The following PEX3 variants were observed in gnomAD, a reference collection of about 807,000 sequenced individuals.
The protein encoded by PEX3 is peroxisomal biogenesis factor 3, also known as peroxin-3.
In PEX3, 30 loss-of-function variants were observed where a neutral mutation model predicts 55.8. The observed-to-expected ratio is 0.54, with a 90% CI of 0.40 to 0.73. The LOEUF (loss-of-function observed/expected upper bound fraction) is 0.73, where lower values mean the gene tolerates loss of function less well. Among genes scored for constraint, PEX3 ranks in the 30% least tolerant of loss-of-function variants. PEX3 has a pLI of 0.00. For missense variants in PEX3, 351 were observed against 432.8 expected, an observed-to-expected ratio of 0.81 and a Z score of 1.68; for synonymous variants, 135 against 148.4, an observed-to-expected ratio of 0.91 and a Z score of 0.66.
At position 143,462,068 on chromosome 6, in the gene PEX3, A is replaced by G. The variant is rs1779927727; in HGVS notation, c.206-848A>G. ...ATTCCTCCATTTCTTTTTTTCTCTAATCCCATGACAGATTCTTATTCTCCA... is the reference window on the plus strand; with the variant it reads ...ATTCCTCCATTTCTTTTTTTCTCTAGTCCCATGACAGATTCTTATTCTCCA... On this transcript the variant is annotated intron_variant, in intron 2 of 11. Transcript: ENST00000367591. The surrounding 1 kb of genome is among the most constrained non-coding windows in gnomAD (Gnocchi z 4.1). Among the ~76,000 whole-genome samples, 1 of 152,064 alleles carries G rather than the reference A, an allele frequency of 6.6e-6. No homozygotes were observed. Among genetic ancestry groups the G allele is most frequent in the African/African-American group, 2.4e-5 (1 of 41,398 alleles).
Position 143,454,805 on chromosome 6 carries a change from A to G in PEX3, c.73+3690A>G, listed in dbSNP as rs1180312874. 6.6e-6 allele frequency among the ~76,000 whole-genome samples: 1 copy of G among 152,232 alleles called. No homozygotes were observed. The highest frequency in any genetic ancestry group is 2.4e-5 in the African/African-American group (1 of 41,466). On this transcript the variant is annotated intron_variant, in intron 1 of 11. Coordinates refer to ENST00000367591, the MANE Select transcript of PEX3 (RefSeq NM_003630.3). This position sits in a 1 kb window ranked among gnomAD's most constrained non-coding sequence, Gnocchi z 4.3. ...ACACAGAAGGAAAAAGAGCAATTCAAGAGGTTCAGCAACATTGCTTTTTAT... is the reference window on the plus strand; with the variant it reads ...ACACAGAAGGAAAAAGAGCAATTCAGGAGGTTCAGCAACATTGCTTTTTAT...
rs1263572965 is a variant in PEX3 at position 143,486,727 on chromosome 6, C to G, written c.1038+1479C>G. The stretch of plus-strand genomic sequence containing the variant: ...GAATGCTAATTTACATAAAATTAGT[C>G]CTTTCGAATTACTGCTACTACTTCA... On this transcript the variant is annotated intron_variant, in intron 11 of 11. Coordinates refer to ENST00000367591, the MANE Select transcript of PEX3 (RefSeq NM_003630.3). This position sits in a 1 kb window ranked among gnomAD's most constrained non-coding sequence, Gnocchi z 5.0. Among the ~76,000 whole-genome samples the G allele has an allele frequency of 6.6e-6, 1 of 152,078 alleles. No individual in the cohort carries two copies. Among genetic ancestry groups the G allele is most frequent in the Non-Finnish European group, 1.5e-5 (1 of 68,002 alleles).
Position 143,450,991 on chromosome 6 carries a change from C to T in PEX3, c.-52C>T. 8.4e-6 allele frequency: 11 copies of T among 1,306,086 alleles called. No individual in the cohort carries two copies. Among genetic ancestry groups the T allele is most frequent in the South Asian group, 1.2e-5 (1 of 84,982 alleles). 80.9% of individuals were successfully genotyped at this position (1,306,086 alleles called of 1,614,324 possible). On this transcript the variant is annotated 5_prime_UTR_variant, in exon 1 of 12. Coordinates refer to ENST00000367591, the MANE Select transcript of PEX3 (RefSeq NM_003630.3). ...GGCCAGGTGACGAAGAAACAGTTTCCTGGTGAAGCAGTCCCTCACCCCTAG... is the reference window on the plus strand; with the variant it reads ...GGCCAGGTGACGAAGAAACAGTTTCTTGGTGAAGCAGTCCCTCACCCCTAG...
rs138347918 is a variant in PEX3 at position 143,482,279 on chromosome 6, T to G, written c.942-2873T>G. 3.2e-3 allele frequency among the ~76,000 whole-genome samples: 483 copies of G among 152,248 alleles called. 3 individuals carry two copies. Among genetic ancestry groups the G allele is most frequent in the African/African-American group, 0.011 (458 of 41,558 alleles). On this transcript the variant is annotated intron_variant, in intron 10 of 11. Coordinates refer to ENST00000367591, the MANE Select transcript of PEX3 (RefSeq NM_003630.3). This position sits in a 1 kb window ranked among gnomAD's most constrained non-coding sequence, Gnocchi z 5.5. ...GTGTTCTTACCATTTTAATAAACTGTTAGTTGACCGTTGGTTTTCTAAGTT... is the reference window on the plus strand; with the variant it reads ...GTGTTCTTACCATTTTAATAAACTGGTAGTTGACCGTTGGTTTTCTAAGTT...
Position 143,472,181 on chromosome 6 carries a change from G to T in PEX3, c.600G>T (p.Leu200Phe). The T allele has an allele frequency of 6.2e-7, 1 of 1,608,442 alleles. No individual in the cohort carries two copies. Residue 200 changes from leucine to phenylalanine, a missense_variant, in exon 8 of 12, where the codon TTG becomes TTT. By Grantham distance (22) the Leu-to-Phe change is conservative. Transcript: ENST00000367591. ...CTAGTGTTTCTCTTAAACATTCTTT[G>T]TCCCTTTTGGACTTGGAGCAAAAAC... ...VLGSVSLKHS[L>F]SLLDLEQKLK...
In PEX3 at chr6:143,468,814, C is replaced by CCG. The variant is rs1554281458; in HGVS notation, c.331+649_331+650insCG. On this transcript the variant is annotated intron_variant, in intron 4 of 11. Coordinates refer to ENST00000367591, the MANE Select transcript of PEX3 (RefSeq NM_003630.3). ...CTCCTAATGCTATCCCCCCCCCCCCCACCCCACGACAGGCCCCAGTGTCGA... is the reference window on the plus strand; with the variant it reads ...CTCCTAATGCTATCCCCCCCCCCCCCCGACCCCACGACAGGCCCCAGTGTCGA... Among the ~76,000 whole-genome samples the CCG allele has an allele frequency of 3.9e-5, 5 of 129,000 alleles. 1 individual carries two copies. The highest frequency in any genetic ancestry group is 2.7e-4 in the East Asian group (1 of 3,670). The allele number at this position is 129,000 out of a possible 152,430, so 84.6% of individuals were successfully genotyped here.
At position 143,485,049 on chromosome 6, in the gene PEX3, TC is replaced by T; in HGVS notation, c.942-101del. 1.3e-6 allele frequency: 1 copy of T among 756,422 alleles called. No homozygotes were observed. The highest frequency in any genetic ancestry group is 2.5e-5 in the East Asian group (1 of 40,492). The allele number at this position is 756,422 out of a possible 1,614,324, so 46.9% of individuals were successfully genotyped here. A position where few individuals can be genotyped will look rare whatever the true frequency, so the allele number is the denominator to read the frequency against. On this transcript the variant is annotated intron_variant, in intron 10 of 11. Transcript: ENST00000367591. The surrounding 1 kb of genome is among the most constrained non-coding windows in gnomAD (Gnocchi z 5.6). ...GGTTTTTTTTCCTTTTTAATAGATT[TC>T]CAAAAATATTCTACAATGGCTATGT... is the stretch of plus-strand genomic sequence containing the variant.
In PEX3 at chr6:143,476,855, A is replaced by T. The variant is rs1309174715; in HGVS notation, c.818+1999A>T. Among the ~76,000 whole-genome samples, 2 of 152,190 alleles carry T rather than the reference A, an allele frequency of 1.3e-5. No homozygotes were observed. The highest frequency in any genetic ancestry group is 2.9e-5 in the Non-Finnish European group (2 of 68,028). On this transcript the variant is annotated intron_variant, in intron 9 of 11. Coordinates refer to ENST00000367591, the MANE Select transcript of PEX3 (RefSeq NM_003630.3). The surrounding 1 kb of genome is among the most constrained non-coding windows in gnomAD (Gnocchi z 5.4). ...TGGTATTTAAAGACATGGGAATAGG[A>T]ACAGATAGAGACTAGAAGACAACTA...
At chr6:143,452,603 A>C (rs1232173924) in intron 1 of PEX3, among the ~76,000 whole-genome samples, 1 of 152,190 alleles carries the variant, frequency 6.6e-6, no homozygotes, top group Admixed American at 6.5e-5. Flanking sequence ...AGAGCTTTAT[A>C]GTTACAGAAT....
rs190317917 is a variant in PEX3 at position 143,466,345 on chromosome 6, T to G, written c.288-1777T>G. Among the ~76,000 whole-genome samples the G allele has an allele frequency of 6.6e-6, 1 of 152,180 alleles. No homozygotes were observed. Among genetic ancestry groups the G allele is most frequent in the Admixed American group, 6.5e-5 (1 of 15,292 alleles). On this transcript the variant is annotated intron_variant, in intron 3 of 11. Transcript: ENST00000367591. The surrounding 1 kb of genome is among the most constrained non-coding windows in gnomAD (Gnocchi z 5.4). ...CAGCGGATCCATGCTGTAGATGCTA[T>G]CTACCTGTTAGTCACTTAGTAGCCA...
At chr6:143,470,075 G>A (rs1323832984) in intron 4 of PEX3, among the ~76,000 whole-genome samples, 1 of 151,996 alleles carries the variant, frequency 6.6e-6, no homozygotes, top group African/African-American at 2.4e-5. Flanking sequence ...TTAGCCTCCC[G>A]AGTAGCTGGC....
chr6:143,477,271 T>C (rs1780166333), intron 9 of PEX3, among the ~76,000 whole-genome samples: 1 of 152,178 alleles, frequency 6.6e-6, no homozygotes, highest in African/African-American at 2.4e-5. Flanking sequence ...ATTTTGACTT[T>C]AACACTTTTT....
intron 2 of PEX3, among the ~76,000 whole-genome samples, chr6:143,460,918 C>T (rs540374323): frequency 2.8e-4 from 42 of 150,246 alleles, no homozygotes; most frequent in African/African-American, 8.8e-4. Flanking sequence ...TAAAATACAT[C>T]GCAGTTTGAC....
At chr6:143,469,362 G>A (rs1181552642) in intron 4 of PEX3, among the ~76,000 whole-genome samples, 5 of 152,150 alleles carry the variant, frequency 3.3e-5, no homozygotes, top group African/African-American at 7.2e-5. Flanking sequence ...TTTAATGATC[G>A]CCATTCTAAC....
At chr6:143,472,055 A>G in intron 7 of PEX3, 105 bp from the exon 8 acceptor site, 2 of 798,566 alleles carry the variant, frequency 2.5e-6, no homozygotes, top group Non-Finnish European at 4.3e-6. Flanking sequence ...TACAGGTGTA[A>G]GCAGAAGAAA....
intron 8 of PEX3, 32 bp from the exon 9 acceptor site, chr6:143,474,753 GA>G (rs760288316): frequency 1.7e-6 from 2 of 1,168,986 alleles, no homozygotes; most frequent in South Asian, 2.4e-5. Flanking sequence ...GCTAATGTTT[GA>G]AAACCTTAAG....
rs779692327 is a variant in PEX3, at chr6:143,489,513, A to G, written c.*287A>G. ...TTTGTTCCAAACTGACTAAAAATCA[A>G]TATAGATATTTTATATACATATATA... On this transcript the variant is annotated 3_prime_UTR_variant, in exon 12 of 12. Transcript: ENST00000367591. The surrounding 1 kb of genome is among the most constrained non-coding windows in gnomAD (Gnocchi z 5.5). 2.1e-4 allele frequency: 42 copies of G among 199,744 alleles called. No individual in the cohort carries two copies. Among genetic ancestry groups the G allele is most frequent in the Non-Finnish European group, 4.0e-4 (39 of 98,598 alleles). The allele number at this position is 199,744 out of a possible 1,614,324, so 12.4% of individuals were successfully genotyped here.
chr6:143,451,172 T>C lies in PEX3; in HGVS notation c.73+57T>C. On this transcript the variant is annotated intron_variant, in intron 1 of 11. Coordinates refer to ENST00000367591, the MANE Select transcript of PEX3 (RefSeq NM_003630.3). The surrounding 1 kb of genome is among the most constrained non-coding windows in gnomAD (Gnocchi z 4.1). ...GGGAGAAGGGGGTGGGAGAGGTGAC[T>C]TCTTCTAAAATAAGGACAGGCCGGG... is the stretch of plus-strand genomic sequence containing the variant. 8.2e-7 allele frequency: 1 copy of C among 1,219,424 alleles called. No individual in the cohort carries two copies. The highest frequency in any genetic ancestry group is 1.7e-5 in the Admixed American group (1 of 59,538). The allele number at this position is 1,219,424 out of a possible 1,614,324, so 75.5% of individuals were successfully genotyped here.
chr6:143,474,177 C>T (rs181212374), intron 8 of PEX3, among the ~76,000 whole-genome samples: 5 of 151,822 alleles, frequency 3.3e-5, no homozygotes, highest in African/African-American at 9.7e-5. Context: ...AGGCCGGGTG[C>T]GGTGGTGCAC....
Sources: gnomAD v4.1 joint callset for allele counts (sites outside exome capture counted in the v4.1 genomes callset) on GRCh38, gnomAD v4.1.1 for gene constraint, Gnocchi (gnomAD v3.1) non-coding constraint, MANE v1.5 for transcripts, NCBI Gene and HGNC (gene_info 2026-07-23, HGNC 2026-07-21) for gene names.